PALLD: variants seen among roughly 807,000 people sequenced by gnomAD.
PALLD encodes the protein palladin.
Under a neutral mutation model 123.5 loss-of-function variants are expected in PALLD, and 61 were observed. The observed-to-expected ratio is 0.49, with a 90% CI of 0.40 to 0.61. The LOEUF (loss-of-function observed/expected upper bound fraction) is 0.61. PALLD is among the 20% of genes least tolerant of loss of function. The pLI is 0.00. For missense variants in PALLD, 1,273 were observed against 1,377.0 expected (o/e 0.92, Z 1.20); for synonymous variants, 465 against 496.4 (o/e 0.94, Z 0.84).
intron 10 of PALLD, among the ~76,000 whole-genome samples, chr4:168,888,320 C>G (rs1180215373): frequency 6.6e-6 from 1 of 152,168 alleles, no homozygotes; most frequent in Non-Finnish European, 1.5e-5. Context: ...ATATTTTCCA[C>G]TGTAGGTATC....
At chr4:168,650,035 A>G (rs1777877155) in intron 2 of PALLD, among the ~76,000 whole-genome samples, 1 of 152,108 alleles carries the variant, frequency 6.6e-6, no homozygotes, top group South Asian at 2.1e-4. Flanking sequence ...TTAACCAGGC[A>G]TGGTGGTGGA....
chr4:168,892,394 A>G (rs931953031), intron 11 of PALLD, among the ~76,000 whole-genome samples: 1 of 152,216 alleles, frequency 6.6e-6, no homozygotes, highest in African/African-American at 2.4e-5. Flanking sequence ...AATTTTAATT[A>G]TCAAACATTG....
At chr4:168,574,636 A>G (rs984223454) in intron 2 of PALLD, among the ~76,000 whole-genome samples, 1 of 152,114 alleles carries the variant, frequency 6.6e-6, no homozygotes, top group African/African-American at 2.4e-5. Context: ...GCTCAATAAC[A>G]AGTTTGGGGA....
rs1336857704 is a variant in PALLD at position 168,915,919 on chromosome 4, T to C, written c.2742T>C (p.Ser914=). 1 of 1,613,210 alleles carries C rather than the reference T, an allele frequency of 6.2e-7. No homozygotes were observed. Among genetic ancestry groups the C allele is most frequent in the Non-Finnish European group, 8.5e-7 (1 of 1,179,250 alleles). ...GGCCTCGTTCTAGATCAAGGGACAG[T>C]GGAGACGAAAATGAACCAATTCAGG... The part of the protein sequence containing the change: ...VRRPRSRSRD[S]GDENEPIQER... The change falls in exon 17 of 22, where the codon AGT becomes AGC. Residue 914 remains serine, a synonymous_variant. Coordinates refer to ENST00000505667, the MANE Select transcript of PALLD (RefSeq NM_001166108.2).
intron 2 of PALLD, among the ~76,000 whole-genome samples, chr4:168,635,335 G>A (rs866981732): frequency 4.6e-5 from 7 of 152,274 alleles, no homozygotes; most frequent in Admixed American, 3.9e-4. Context: ...TCTCATTAGC[G>A]GTCCATGGGA....
chr4:168,832,073 C>A (rs979573857), intron 10 of PALLD: 3 of 985,290 alleles, frequency 3.0e-6, no homozygotes, highest in African/African-American at 3.5e-5. Flanking sequence ...GTATAAAGCC[C>A]GATACCTGCC....
Position 168,927,894 on chromosome 4 carries a change from A to T in PALLD, c.*1714A>T, listed in dbSNP as rs1762754618. 9.7e-6 allele frequency: 2 copies of T among 205,492 alleles called. No homozygotes were observed. Among genetic ancestry groups the T allele is most frequent in the Admixed American group, 1.2e-4 (2 of 16,806 alleles). The allele number at this position is 205,492 out of a possible 1,614,324, so 12.7% of individuals were successfully genotyped here. A position where few individuals can be genotyped will look rare whatever the true frequency, so the allele number is the denominator to read the frequency against. The stretch of plus-strand genomic sequence containing the variant: ...ATGAAAAGAAAACACTGTATTCCTT[A>T]TGCAAAACACATGTATCTTTCATTA... On this transcript the variant is annotated 3_prime_UTR_variant, in exon 22 of 22. Transcript: ENST00000505667.
chr4:168,621,789 T>G (rs1285317680), intron 2 of PALLD, among the ~76,000 whole-genome samples: 2 of 152,206 alleles, frequency 1.3e-5, no homozygotes, highest in African/African-American at 2.4e-5. Context: ...ATAAGCAAGC[T>G]GTGAATTCCA....
In PALLD at chr4:168,878,217, C is replaced by T. The variant is rs774034818; in HGVS notation, c.1965-12705C>T. On this transcript the variant is annotated intron_variant, in intron 10 of 21. Transcript: ENST00000505667. ...GCCTTCCCGGTGCCCGACGTGTTCC[C>T]ACTGCCGCCGCCACCACCGCCGCTC... 3.9e-5 allele frequency: 60 copies of T among 1,519,978 alleles called. No homozygotes were observed. The highest frequency in any genetic ancestry group is 2.4e-4 in the Admixed American group (12 of 49,786). 94.2% of individuals were successfully genotyped at this position (1,519,978 alleles called of 1,614,324 possible). A position where few individuals can be genotyped will look rare whatever the true frequency, so the allele number is the denominator to read the frequency against.
chr4:168,658,183 A>C (rs1471583315), intron 2 of PALLD, among the ~76,000 whole-genome samples: 2 of 152,180 alleles, frequency 1.3e-5, no homozygotes, highest in Non-Finnish European at 2.9e-5. Context: ...TATTAGAAGC[A>C]ATCTAAGATT....
rs566450577 is a variant in PALLD, at chr4:168,912,845, T to TA, written c.2623-1080dup. Among the ~76,000 whole-genome samples, 72 of 152,308 alleles carry TA rather than the reference T, an allele frequency of 4.7e-4. 1 individual carries two copies. The South Asian group carries it at 0.015, about 31-fold the overall frequency. On this transcript the variant is annotated intron_variant, in intron 15 of 21. Coordinates refer to ENST00000505667, the MANE Select transcript of PALLD (RefSeq NM_001166108.2). ...TATGTAGCTGTAATTTTGTATCCAT[T>TA]AACCAACTTCTGGCTATCTCCCCGA... is the stretch of plus-strand genomic sequence containing the variant.
chr4:168,841,939 T>A (rs137994700), intron 10 of PALLD, among the ~76,000 whole-genome samples: 2 of 152,224 alleles, frequency 1.3e-5, no homozygotes, highest in African/African-American at 2.4e-5. Flanking sequence ...TGGTTTATTA[T>A]GTGAAAAATA....
In PALLD at chr4:168,926,286, T is replaced by A; in HGVS notation, c.*106T>A. 6.5e-7 allele frequency: 1 copy of A among 1,537,172 alleles called. No individual in the cohort carries two copies. ...CCTCAGCCAGTCGCTATGCAGCACT[T>A]TCGGACCAGGGACTAGACATCAAAG... On this transcript the variant is annotated 3_prime_UTR_variant, in exon 22 of 22. Transcript: ENST00000505667.
At chr4:168,743,850 T>C (rs1788601110) in intron 10 of PALLD, among the ~76,000 whole-genome samples, 1 of 152,212 alleles carries the variant, frequency 6.6e-6, no homozygotes. Flanking sequence ...TGTATCTATC[T>C]GTGGACATCT....
chr4:168,686,946 C>T (rs930953990), intron 6 of PALLD, among the ~76,000 whole-genome samples: 7 of 152,158 alleles, frequency 4.6e-5, no homozygotes, highest in African/African-American at 9.7e-5. Flanking sequence ...GATGTGTAAT[C>T]GGAGTAGAGC....
At chr4:168,864,703 A>G (rs574733893) in intron 10 of PALLD, 5 of 152,360 alleles carry the variant, frequency 3.3e-5, no homozygotes, top group African/African-American at 4.8e-5. Flanking sequence ...AACAAACTTC[A>G]TTATTTACAT....
chr4:168,736,124 T>C (rs979856407), intron 10 of PALLD, among the ~76,000 whole-genome samples: 1 of 152,260 alleles, frequency 6.6e-6, no homozygotes, highest in Admixed American at 6.5e-5. Context: ...ACCACATCTT[T>C]AATTTGAGTC....
chr4:168,589,954 A>T (rs901351893), intron 2 of PALLD, among the ~76,000 whole-genome samples: 8 of 152,200 alleles, frequency 5.3e-5, no homozygotes, highest in Non-Finnish European at 8.8e-5. Context: ...AAGGATGTCC[A>T]TTTGCACCAA....
At chr4:168,911,990 C>T (rs1316892895) in intron 15 of PALLD, among the ~76,000 whole-genome samples, 1 of 151,894 alleles carries the variant, frequency 6.6e-6, no homozygotes, top group Non-Finnish European at 1.5e-5. Context: ...TGTGTCTTTG[C>T]CTTTTCTGGG....
Sources: allele counts gnomAD v4.1 joint callset (sites outside exome capture counted in the v4.1 genomes callset), GRCh38; gene constraint gnomAD v4.1.1; transcripts MANE v1.5; gene names NCBI Gene and HGNC (gene_info 2026-07-23, HGNC 2026-07-21).